The following HS3ST5 variants were observed in gnomAD, a reference collection of about 807,000 sequenced individuals.
HS3ST5 encodes heparan sulfate-glucosamine 3-sulfotransferase 5, also known as heparan sulfate glucosamine 3-O-sulfotransferase 5.
A neutral mutation model predicts 25.4 loss-of-function variants in HS3ST5; 10 were observed. That is an observed-to-expected ratio of 0.39 (90% CI 0.24 to 0.67). HS3ST5 has a LOEUF of 0.67. Ranked by LOEUF, HS3ST5 falls within the 30% of genes least tolerant of loss-of-function variation. The pLI is 0.44. For synonymous variants in HS3ST5, 170 were observed against 162.4 expected (o/e 1.05, Z -0.36); for missense variants, 324 against 420.7 (o/e 0.77, Z 2.01).
At chr6:114,136,522 A>G (rs550720625) in intron 3 of HS3ST5, among the ~76,000 whole-genome samples, 13 of 152,304 alleles carry the variant, frequency 8.5e-5, no homozygotes, top group Admixed American at 7.8e-4. Context: ...GAACAGACTA[A>G]TACACCCTGT....
intron 3 of HS3ST5, among the ~76,000 whole-genome samples, chr6:114,066,154 A>G (rs1422792217): frequency 6.6e-6 from 1 of 152,192 alleles, no homozygotes; most frequent in Non-Finnish European, 1.5e-5. Context: ...TATTATCATC[A>G]TCTCCTAGCA....
intron 1 of HS3ST5, among the ~76,000 whole-genome samples, chr6:114,283,690 C>G (rs550600177): frequency 6.6e-6 from 1 of 151,760 alleles, no homozygotes; most frequent in East Asian, 1.9e-4. Context: ...AAAAAGAAAA[C>G]GACAGGGAAG....
At chr6:114,108,888 C>T (rs1232614320) in intron 3 of HS3ST5, among the ~76,000 whole-genome samples, 1 of 152,186 alleles carries the variant, frequency 6.6e-6, no homozygotes, top group African/African-American at 2.4e-5. Flanking sequence ...ACTGGTCAAG[C>T]ACAGTGGCTC....
At chr6:114,285,638 C>T (rs1017570791) in intron 1 of HS3ST5, among the ~76,000 whole-genome samples, 58 of 151,460 alleles carry the variant, frequency 3.8e-4, no homozygotes, top group Non-Finnish European at 7.7e-4. Flanking sequence ...AATTCCACAG[C>T]GAGGGGAACA....
chr6:114,305,794 A>C (rs2114824504), intron 1 of HS3ST5, among the ~76,000 whole-genome samples: 1 of 152,186 alleles, frequency 6.6e-6, no homozygotes, highest in East Asian at 1.9e-4. Context: ...CTCACCACTG[A>C]TTTTTGCACC....
intron 1 of HS3ST5, chr6:114,281,915 C>CT (rs1270299126): frequency 6.6e-6 from 1 of 151,890 alleles, no homozygotes; most frequent in Non-Finnish European, 1.5e-5. Flanking sequence ...AAATAAGCAC[C>CT]TTTTACAAAA....
intron 1 of HS3ST5, among the ~76,000 whole-genome samples, chr6:114,262,954 A>G (rs890661006): frequency 2.6e-5 from 4 of 152,154 alleles, no homozygotes; most frequent in Non-Finnish European, 4.4e-5. Flanking sequence ...TATTATTAGT[A>G]ATATGCTTGA....
chr6:114,228,399 A>G (rs990905750), intron 2 of HS3ST5, among the ~76,000 whole-genome samples, 186 bp downstream of exon 2: 3 of 152,180 alleles, frequency 2.0e-5, no homozygotes, highest in Admixed American at 6.5e-5. Context: ...CATGACAGAT[A>G]ACAATTTTTA....
At chr6:114,317,093 A>G (rs1775774614) in intron 1 of HS3ST5, among the ~76,000 whole-genome samples, 1 of 152,212 alleles carries the variant, frequency 6.6e-6, no homozygotes, top group African/African-American at 2.4e-5. Flanking sequence ...AGATTTTCCA[A>G]TTATCAGTGA....
At chr6:114,254,514 CAAGTTCTGCT>C (rs1455217086) in intron 1 of HS3ST5, among the ~76,000 whole-genome samples, 1 of 152,150 alleles carries the variant, frequency 6.6e-6, no homozygotes, top group Non-Finnish European at 1.5e-5. Context: ...TAGATGGTGT[CAAGTTCTGCT>C]TAGGAGGCAG....
chr6:114,318,312 T>C (rs973441044), intron 1 of HS3ST5, among the ~76,000 whole-genome samples: 7 of 152,202 alleles, frequency 4.6e-5, no homozygotes, highest in South Asian at 4.1e-4. Context: ...AATCCCTTCA[T>C]TGATTTCAAA....
At chr6:114,090,459 T>A (rs1235318494) in intron 3 of HS3ST5, among the ~76,000 whole-genome samples, 8 of 152,170 alleles carry the variant, frequency 5.3e-5, no homozygotes, top group Admixed American at 5.2e-4. Flanking sequence ...CTCTTCTCTG[T>A]CCTTCTTTCT....
At position 114,248,003 on chromosome 6, in the gene HS3ST5, C is replaced by A. The variant is rs563471864; in HGVS notation, c.-338-19225G>T. ...TCACCTGAGGTCAGGAGTTCGAGAC[C>A]AGCCCAGCCAACATGGCAAAACCCT... On this transcript the variant is annotated intron_variant, in intron 1 of 4. Coordinates refer to ENST00000312719, the MANE Select transcript of HS3ST5 (RefSeq NM_153612.4). Among the ~76,000 whole-genome samples, 32 of 151,552 alleles carry A rather than the reference C, an allele frequency of 2.1e-4. 2 individuals carry two copies. The highest frequency in any genetic ancestry group is 7.7e-4 in the African/African-American group (32 of 41,312).
chr6:114,196,297 G>C (rs1780751841), intron 2 of HS3ST5, among the ~76,000 whole-genome samples: 1 of 152,164 alleles, frequency 6.6e-6, no homozygotes, highest in East Asian at 1.9e-4. Context: ...TTAGTATGGG[G>C]GTCTATATTC....
At chr6:114,320,472 A>G (rs530265477) in intron 1 of HS3ST5, among the ~76,000 whole-genome samples, 6 of 152,008 alleles carry the variant, frequency 3.9e-5, no homozygotes, top group Non-Finnish European at 8.8e-5. Context: ...GATTCCTCTC[A>G]CTGTCCAAAT....
chr6:114,273,001 G>T (rs1773698785), intron 1 of HS3ST5, among the ~76,000 whole-genome samples: 1 of 152,084 alleles, frequency 6.6e-6, no homozygotes, highest in Non-Finnish European at 1.5e-5. Flanking sequence ...TGAGTAAAAT[G>T]GCCAGCCATT....
chr6:114,139,384 G>T (rs1163408593), intron 3 of HS3ST5, among the ~76,000 whole-genome samples: 1 of 151,674 alleles, frequency 6.6e-6, no homozygotes, highest in South Asian at 2.1e-4. Flanking sequence ...ATGACATTAG[G>T]GACAAAAGTT....
At position 114,176,825 on chromosome 6, in the gene HS3ST5, T is replaced by C. The variant is rs1199180063; in HGVS notation, c.-144-8363A>G. The stretch of plus-strand genomic sequence containing the variant: ...CTATTTTTATGTCCTATATACCCGT[T>C]CTTTTATGTGGCCTTAGCTTAGATG... On this transcript the variant is annotated intron_variant, in intron 2 of 4. Coordinates refer to ENST00000312719, the MANE Select transcript of HS3ST5 (RefSeq NM_153612.4). 2.6e-5 allele frequency among the ~76,000 whole-genome samples: 4 copies of C among 152,322 alleles called. No homozygotes were observed. In the South Asian group the frequency reaches 6.2e-4, roughly 24 times the overall value.
chr6:114,237,679 A>G (rs915365871), intron 1 of HS3ST5, among the ~76,000 whole-genome samples: 1 of 152,194 alleles, frequency 6.6e-6, no homozygotes, highest in Non-Finnish European at 1.5e-5. Flanking sequence ...AGTGCCTAAG[A>G]GTGTATGATT....
Sources: gnomAD v4.1 joint callset for allele counts (sites outside exome capture counted in the v4.1 genomes callset) on GRCh38, gnomAD v4.1.1 for gene constraint, MANE v1.5 for transcripts, NCBI Gene and HGNC (gene_info 2026-07-23, HGNC 2026-07-21) for gene names.